Variants in DEUP1 observed in about 807,000 individuals in gnomAD.
DEUP1 encodes the protein deuterosome assembly protein 1.
In DEUP1, 82 loss-of-function variants were observed where a neutral mutation model predicts 87.4. That is an observed-to-expected ratio of 0.94 (90% CI 0.78 to 1.13). The LOEUF is 1.13. DEUP1 is among the 50% of genes most tolerant of loss of function. The pLI, the probability that DEUP1 is intolerant of heterozygous loss-of-function variation, is 0.00. For missense variants in DEUP1, 663 were observed against 681.5 expected, an observed-to-expected ratio of 0.97 and a Z score of 0.30; for synonymous variants, 214 against 222.7, an observed-to-expected ratio of 0.96 and a Z score of 0.35.
intron 13 of DEUP1, among the ~76,000 whole-genome samples, chr11:93,415,834 A>G (rs1412483679): frequency 2.6e-5 from 4 of 151,898 alleles, no homozygotes; most frequent in Non-Finnish European, 5.9e-5. Context: ...GTTTCTCTAT[A>G]CTAATCTATG....
chr11:93,415,062 A>T lies in DEUP1; in HGVS notation c.1586A>T (p.Gln529Leu), dbSNP rs201101075. ...CCTCCCTTGCCACCTTCGACATTTCAAGCCAAAGAAATGACAAGTCCTTTG... is the reference window on the plus strand; with the variant it reads ...CCTCCCTTGCCACCTTCGACATTTCTAGCCAAAGAAATGACAAGTCCTTTG... The part of the protein sequence containing the change: ...TMPPLPPSTF[Q>L]AKEMTSPLVS... The change falls in exon 13 of 14, where the codon CAA (glutamine) becomes CTA (leucine). Residue 529 changes from glutamine to leucine, a missense_variant. Gln to Leu is a moderately radical substitution (Grantham distance 113, BLOSUM62 -2). Transcript: ENST00000298050. 47 of 1,609,946 alleles carry T rather than the reference A, an allele frequency of 2.9e-5. No homozygotes were observed. The highest frequency in any genetic ancestry group is 9.3e-6 in the Non-Finnish European group (11 of 1,178,452).
At chr11:93,354,226 T>C (rs1944773037) in intron 2 of DEUP1, among the ~76,000 whole-genome samples, 1 of 152,174 alleles carries the variant, frequency 6.6e-6, no homozygotes, top group Non-Finnish European at 1.5e-5. Context: ...TCCAGTCTCT[T>C]TGATAAAACA....
intron 5 of DEUP1, among the ~76,000 whole-genome samples, chr11:93,369,862 G>T (rs1283476765): frequency 1.1e-4 from 1 of 9,346 alleles, no homozygotes; most frequent in Non-Finnish European, 2.0e-4. Flanking sequence ...ACCCCAGGGG[G>T]CGGAGCCTGC....
chr11:93,382,139 C>G (rs565823321), intron 7 of DEUP1, among the ~76,000 whole-genome samples: 1 of 152,252 alleles, frequency 6.6e-6, no homozygotes, highest in South Asian at 2.1e-4. Flanking sequence ...TATTTGCACC[C>G]ACATTCACAA....
At chr11:93,364,066 A>T in intron 4 of DEUP1, 94 bp from the exon 5 acceptor site, 2 of 939,574 alleles carry the variant, frequency 2.1e-6, no homozygotes, top group Non-Finnish European at 3.2e-6. Flanking sequence ...ATCATGACAA[A>T]TTTTCAAAGA....
rs746818669 is a variant in DEUP1, at chr11:93,332,267, AC to A, written c.10del (p.Gln4LysfsTer18). On this transcript the variant is annotated frameshift_variant, in exon 2 of 14. Transcript: ENST00000298050. LOFTEE classifies it high-confidence loss of function. ...ATGTAGCAGTTTCTTGACATGGAGAACCAAGCCCATAATACGATGGGGTAAG... is the reference window on the plus strand; with the variant it reads ...ATGTAGCAGTTTCTTGACATGGAGAACAAGCCCATAATACGATGGGGTAAG... ME[N>X]QAHNTMGTSP... 6.2e-6 allele frequency: 10 copies of A among 1,608,690 alleles called. No individual in the cohort carries two copies. Among genetic ancestry groups the A allele is most frequent in the Middle Eastern group, 1.7e-4 (1 of 6,056 alleles).
intron 1 of DEUP1, among the ~76,000 whole-genome samples, chr11:93,331,297 C>A (rs891405383): frequency 1.3e-5 from 2 of 151,930 alleles, no homozygotes; most frequent in African/African-American, 4.8e-5. Flanking sequence ...GAGTTGAAGT[C>A]CTTTTCAATA....
intron 11 of DEUP1, among the ~76,000 whole-genome samples, chr11:93,396,883 G>T (rs1451913494): frequency 6.6e-6 from 1 of 152,238 alleles, no homozygotes; most frequent in East Asian, 1.9e-4. Flanking sequence ...TCAGGATAAG[G>T]ACTACTGGTT....
intron 2 of DEUP1, among the ~76,000 whole-genome samples, chr11:93,344,187 C>A (rs988788529): frequency 2.6e-5 from 4 of 152,068 alleles, no homozygotes; most frequent in African/African-American, 9.7e-5. Flanking sequence ...ACAGACGTAT[C>A]TATGAAAGTG....
chr11:93,405,355 T>A (rs1465631590), intron 11 of DEUP1, among the ~76,000 whole-genome samples: 1 of 152,026 alleles, frequency 6.6e-6, no homozygotes, highest in African/African-American at 2.4e-5. Flanking sequence ...ATTGCTCTTT[T>A]ATCTGCATTT....
chr11:93,383,128 A>C (rs941028063), intron 7 of DEUP1, among the ~76,000 whole-genome samples: 2 of 152,246 alleles, frequency 1.3e-5, no homozygotes, highest in African/African-American at 2.4e-5. Flanking sequence ...GAATTAATAA[A>C]TAAGAAAGCA....
At chr11:93,393,573 C>T (rs1421741410) in intron 9 of DEUP1, among the ~76,000 whole-genome samples, 3 of 152,180 alleles carry the variant, frequency 2.0e-5, no homozygotes, top group Non-Finnish European at 4.4e-5. Flanking sequence ...CATCCCTAGG[C>T]TGGGTTAAAC....
intron 8 of DEUP1, 69 bp from the exon 9 acceptor site, chr11:93,388,951 A>G: frequency 2.2e-6 from 2 of 890,694 alleles, no homozygotes; most frequent in South Asian, 1.7e-5. Context: ...GGTCTAAATT[A>G]ACAATATAAT....
At chr11:93,334,961 A>G (rs981103479) in intron 2 of DEUP1, among the ~76,000 whole-genome samples, 4 of 151,808 alleles carry the variant, frequency 2.6e-5, no homozygotes, top group African/African-American at 7.3e-5. Flanking sequence ...TTTCCCTTTT[A>G]TGGTTTATTC....
At position 93,392,984 on chromosome 11, in the gene DEUP1, CCCT is replaced by C. The variant is rs368024606; in HGVS notation, c.1042-1462_1042-1460del. The stretch of plus-strand genomic sequence containing the variant: ...CTCCTCCTCTTCCTCCTCCTCCGAG[CCCT>C]CCTCCTCCTCCTTCTTTCTCCTCCT... On this transcript the variant is annotated intron_variant, in intron 9 of 13. Transcript: ENST00000298050. 5.1e-4 allele frequency among the ~76,000 whole-genome samples: 74 copies of C among 146,506 alleles called. 1 individual carries two copies. Among genetic ancestry groups the C allele is most frequent in the African/African-American group, 8.1e-4 (32 of 39,680 alleles).
At chr11:93,361,408 T>A (rs1261511685) in intron 4 of DEUP1, among the ~76,000 whole-genome samples, 1 of 152,120 alleles carries the variant, frequency 6.6e-6, no homozygotes, top group Non-Finnish European at 1.5e-5. Context: ...CTCTTGTATT[T>A]TCTAAATTTT....
intron 2 of DEUP1, among the ~76,000 whole-genome samples, chr11:93,354,538 G>GT (rs1227376578): frequency 2.0e-5 from 3 of 152,088 alleles, no homozygotes; most frequent in African/African-American, 7.2e-5. Flanking sequence ...TGCTAATAAG[G>GT]ACATACCCGA....
At chr11:93,410,616 C>T (rs1037824447) in intron 12 of DEUP1, among the ~76,000 whole-genome samples, 2 of 152,198 alleles carry the variant, frequency 1.3e-5, no homozygotes, top group Non-Finnish European at 2.9e-5. Context: ...ATTGAGCACC[C>T]ACTGGGTACA....
Position 93,427,297 on chromosome 11 carries a change from A to G in DEUP1, c.1639-10246A>G, listed in dbSNP as rs538486709. Among the ~76,000 whole-genome samples, 9 of 151,868 alleles carry G rather than the reference A, an allele frequency of 5.9e-5. No individual in the cohort carries two copies. In the South Asian group the frequency reaches 1.9e-3, roughly 32 times the overall value. On this transcript the variant is annotated intron_variant, in intron 13 of 13. Coordinates refer to ENST00000298050, the MANE Select transcript of DEUP1 (RefSeq NM_181645.4). Reference sequence around the variant, plus strand: ...CAGAAATATAGATCAATGGAACATAACAGAGCCCTCAGAAATAATGCCGCA... The same window carrying G: ...CAGAAATATAGATCAATGGAACATAGCAGAGCCCTCAGAAATAATGCCGCA...
Sources: gnomAD v4.1 joint callset for allele counts (sites outside exome capture counted in the v4.1 genomes callset) on GRCh38, gnomAD v4.1.1 for gene constraint, MANE v1.5 for transcripts, NCBI Gene and HGNC (gene_info 2026-07-23, HGNC 2026-07-21) for gene names.